Variants in UTP20 observed in about 807,000 individuals in gnomAD.
The protein encoded by UTP20 is UTP20 small subunit processome component.
Under a neutral mutation model 329.5 loss-of-function variants are expected in UTP20, and 164 were observed. The observed-to-expected ratio is 0.50, with a 90% CI of 0.44 to 0.57. The LOEUF (loss-of-function observed/expected upper bound fraction) is 0.57. Among genes scored for constraint, UTP20 ranks in the 20% least tolerant of loss-of-function variants. The pLI, the probability that UTP20 is intolerant of heterozygous loss-of-function variation, is 0.00. For missense variants in UTP20, 3,055 were observed against 3,284.2 expected, an observed-to-expected ratio of 0.93 and a Z score of 1.71; for synonymous variants, 1,151 against 1,159.3, an observed-to-expected ratio of 0.99 and a Z score of 0.14.
chr12:101,333,044 G>A (rs948583807), intron 27 of UTP20, among the ~76,000 whole-genome samples: 1 of 152,198 alleles, frequency 6.6e-6, no homozygotes, highest in Non-Finnish European at 1.5e-5. Flanking sequence ...TATTCCAGTT[G>A]TAATATTTTT....
intron 14 of UTP20, 131 bp from the exon 15 acceptor site, chr12:101,302,317 A>G: frequency 3.2e-6 from 2 of 619,366 alleles, no homozygotes; most frequent in East Asian, 6.3e-5. Context: ...TTTGACAGAC[A>G]ATTCTTTGGA....
intron 25 of UTP20, among the ~76,000 whole-genome samples, chr12:101,325,947 T>C (rs746257044): frequency 1.3e-5 from 2 of 152,238 alleles, no homozygotes; most frequent in Non-Finnish European, 2.9e-5. Flanking sequence ...TAAACAAATT[T>C]CTTTTTTTGG....
chr12:101,334,437 G>C lies in UTP20; in HGVS notation c.3574G>C (p.Gly1192Arg), dbSNP rs538134846. The C allele has an allele frequency of 6.2e-7, 1 of 1,611,802 alleles. No individual in the cohort carries two copies. Among genetic ancestry groups the C allele is most frequent in the South Asian group, 1.1e-5 (1 of 90,982 alleles). ...CTTTGTCTCCTAGATCAGCAGGCTTGGATCTGAGAGTCAATATTCTCCTAC... is the reference window on the plus strand; with the variant it reads ...CTTTGTCTCCTAGATCAGCAGGCTTCGATCTGAGAGTCAATATTCTCCTAC... ...GAVWPQISRL[G>R]SESQYSPTPL... The change falls in exon 29 of 62, where the codon GGA becomes CGA. Residue 1192 changes from glycine (G) to arginine (R), a missense_variant. Coordinates refer to ENST00000261637, the MANE Select transcript of UTP20 (RefSeq NM_014503.3).
intron 2 of UTP20, among the ~76,000 whole-genome samples, chr12:101,282,098 C>G (rs1269789436): frequency 6.6e-6 from 1 of 152,190 alleles, no homozygotes; most frequent in Non-Finnish European, 1.5e-5. Context: ...CCTTGGCGAT[C>G]CAATCTCAGT....
chr12:101,315,390 A>G (rs993130876), intron 21 of UTP20, among the ~76,000 whole-genome samples: 3 of 152,008 alleles, frequency 2.0e-5, no homozygotes, highest in African/African-American at 7.2e-5. Context: ...AGGCTGAGGC[A>G]GAAGAATCGC....
intron 52 of UTP20, 136 bp downstream of exon 52, chr12:101,373,099 C>T: frequency 1.3e-6 from 1 of 756,314 alleles, no homozygotes; most frequent in Non-Finnish European, 2.2e-6. Context: ...GACTCATTGA[C>T]TTGATAATCA....
At chr12:101,296,155 G>A (rs1222699604) in intron 12 of UTP20, among the ~76,000 whole-genome samples, 2 of 152,218 alleles carry the variant, frequency 1.3e-5, no homozygotes, top group African/African-American at 4.8e-5. Context: ...TCATCTGAGT[G>A]TGTATACTTA....
intron 15 of UTP20, among the ~76,000 whole-genome samples, chr12:101,305,611 T>TTTTA (rs1555198720): frequency 1.4e-5 from 2 of 144,584 alleles, no homozygotes; most frequent in African/African-American, 5.0e-5. Context: ...ATAATAAATA[T>TTTTA]TATATATATA....
intron 12 of UTP20, among the ~76,000 whole-genome samples, chr12:101,296,672 CAGG>C (rs1277518733): frequency 4.6e-5 from 7 of 151,740 alleles, no homozygotes; most frequent in Admixed American, 1.3e-4. Flanking sequence ...GGCGTGAACC[CAGG>C]AGGTAGAGGT....
At chr12:101,327,969 A>C (rs1414076614) in intron 26 of UTP20, among the ~76,000 whole-genome samples, 2 of 152,154 alleles carry the variant, frequency 1.3e-5, no homozygotes, top group Non-Finnish European at 2.9e-5. Context: ...TTAGGCTTAG[A>C]AAGGTATTTC....
chr12:101,383,929 C>G (rs1047484713), intron 60 of UTP20, among the ~76,000 whole-genome samples: 1 of 151,630 alleles, frequency 6.6e-6, no homozygotes, highest in Non-Finnish European at 1.5e-5. Context: ...GTCTCAAACT[C>G]CTGGCTTCAA....
chr12:101,338,281 T>G lies in UTP20; in HGVS notation c.3868+4T>G. ...GGCATAGCAGAAAACATCGGTGGTA[T>G]GTATGCTGACAAAGCAGATAATTCT... On this transcript the variant is annotated splice_donor_region_variant and intron_variant, in intron 30 of 61. Coordinates refer to ENST00000261637, the MANE Select transcript of UTP20 (RefSeq NM_014503.3). 1 of 1,613,474 alleles carries G rather than the reference T, an allele frequency of 6.2e-7. No homozygotes were observed. The highest frequency in any genetic ancestry group is 1.3e-5 in the African/African-American group (1 of 75,034).
intron 38 of UTP20, among the ~76,000 whole-genome samples, chr12:101,351,711 A>G (rs1190207806): frequency 6.6e-6 from 1 of 151,922 alleles, no homozygotes; most frequent in Non-Finnish European, 1.5e-5. Context: ...CCCACCACCG[A>G]CAATGTACTT....
At chr12:101,316,594 C>G (rs1409305110) in intron 21 of UTP20, among the ~76,000 whole-genome samples, 1 of 152,082 alleles carries the variant, frequency 6.6e-6, no homozygotes, top group African/African-American at 2.4e-5. Flanking sequence ...TTGGGCTAAG[C>G]TAGAGTTTCT....
chr12:101,327,982 C>G (rs1868625868), intron 26 of UTP20, among the ~76,000 whole-genome samples: 1 of 152,158 alleles, frequency 6.6e-6, no homozygotes. Context: ...GGTATTTCAC[C>G]CATCGTAACT....
Position 101,299,689 on chromosome 12 carries a change from A to G in UTP20, c.1438A>G (p.Ile480Val). Residue 480 changes from isoleucine to valine, a missense_variant, in exon 13 of 62, where the codon ATA becomes GTA. By Grantham distance (29) the Ile-to-Val change is conservative. Transcript: ENST00000261637. ...VFSPQMVGFY[I>V]KQKKTRSKGR... is the part of the protein sequence containing the mutation. ...TTTTTTTTAATCCTTCAGATTCTAT[A>G]TAAAGCAGAAGAAGACTAGATCCAA... 6.3e-7 allele frequency: 1 copy of G among 1,586,744 alleles called. No homozygotes were observed. Among genetic ancestry groups the G allele is most frequent in the South Asian group, 1.2e-5 (1 of 85,294 alleles).
intron 43 of UTP20, among the ~76,000 whole-genome samples, chr12:101,358,163 C>T (rs7313781): frequency 0.22 from 33,140 of 152,118 alleles, 8,187 homozygotes; most frequent in African/African-American, 0.58. Context: ...AGAAATGTCA[C>T]ATTCATTTTG....
intron 21 of UTP20, 125 bp from the exon 22 acceptor site, chr12:101,317,353 G>C: frequency 9.8e-7 from 1 of 1,024,322 alleles, no homozygotes; most frequent in Non-Finnish European, 1.4e-6. Flanking sequence ...GCTTGCCTAA[G>C]GTACCACTAT....
intron 29 of UTP20, among the ~76,000 whole-genome samples, chr12:101,335,768 A>G (rs1414557925): frequency 6.6e-6 from 1 of 152,234 alleles, no homozygotes; most frequent in Non-Finnish European, 1.5e-5. Flanking sequence ...GTCTTCAGAA[A>G]CAAACCAAAA....
Sources: allele counts gnomAD v4.1 joint callset (sites outside exome capture counted in the v4.1 genomes callset), GRCh38; gene constraint gnomAD v4.1.1; transcripts MANE v1.5; gene names NCBI Gene and HGNC (gene_info 2026-07-23, HGNC 2026-07-21).